The following MYO18B variants were observed in gnomAD, a reference collection of about 807,000 sequenced individuals.
The protein encoded by MYO18B is unconventional myosin-XVIIIb.
MYO18B carries 204 observed loss-of-function variants against 273.0 expected under a neutral mutation model. That is an observed-to-expected ratio of 0.75 (90% CI 0.67 to 0.84). MYO18B has a LOEUF of 0.84. MYO18B is among the 40% of genes least tolerant of loss of function. The pLI is 0.00. For synonymous variants in MYO18B, 1,330 were observed against 1,305.7 expected (o/e 1.02, Z -0.40); for missense variants, 3,212 against 3,287.6 (o/e 0.98, Z 0.56).
At chr22:26,012,254 A>C (rs192334242) in intron 42 of MYO18B, among the ~76,000 whole-genome samples, 4 of 152,372 alleles carry the variant, frequency 2.6e-5, no homozygotes, top group Admixed American at 2.6e-4. Flanking sequence ...GGATATGTGA[A>C]TAAATGGTAC....
At chr22:25,769,708 A>G (rs987263893) in intron 4 of MYO18B, among the ~76,000 whole-genome samples, 1 of 152,134 alleles carries the variant, frequency 6.6e-6, no homozygotes. Context: ...CACGGCTGAC[A>G]TGGTAGAGCT....
At chr22:26,018,609 T>C (rs1458196693) in intron 42 of MYO18B, among the ~76,000 whole-genome samples, 2 of 152,180 alleles carry the variant, frequency 1.3e-5, no homozygotes, top group African/African-American at 4.8e-5. Context: ...ATCGCCGCCA[T>C]TGAAATCCTA....
At chr22:25,775,509 T>C (rs1286958306) in intron 7 of MYO18B, among the ~76,000 whole-genome samples, 3 of 152,188 alleles carry the variant, frequency 2.0e-5, no homozygotes, top group Non-Finnish European at 4.4e-5. Context: ...CATTCCTCTT[T>C]TCCTTTTGGT....
At chr22:25,857,710 G>A (rs1485249049) in intron 21 of MYO18B, among the ~76,000 whole-genome samples, 1 of 152,234 alleles carries the variant, frequency 6.6e-6, no homozygotes, top group Non-Finnish European at 1.5e-5. Context: ...CTGGAGTGCA[G>A]TGGTGCTATC....
Position 25,763,008 on chromosome 22 carries a change from C to T in MYO18B, c.40-223C>T, listed in dbSNP as rs145649532. The T allele has an allele frequency of 5.4e-4, 390 of 718,804 alleles. 6 individuals carry two copies. The East Asian group carries it at 0.01, about 19-fold the overall frequency. 44.5% of individuals were successfully genotyped at this position (718,804 alleles called of 1,614,324 possible). On this transcript the variant is annotated intron_variant, in intron 2 of 43. Transcript: ENST00000335473. Reference sequence around the variant, plus strand: ...GATCCAGGCAGAAATCACATTGACCCGCATAATTCCTGGCTGCCCCTGTGT... The same window carrying T: ...GATCCAGGCAGAAATCACATTGACCTGCATAATTCCTGGCTGCCCCTGTGT...
chr22:25,801,533 G>T (rs5761209), intron 12 of MYO18B, among the ~76,000 whole-genome samples: 1 of 152,136 alleles, frequency 6.6e-6, no homozygotes, highest in Non-Finnish European at 1.5e-5. Flanking sequence ...GAAGGAGTCA[G>T]TGGCAAAAAC....
chr22:25,853,842 T>C (rs2090492621), intron 21 of MYO18B, among the ~76,000 whole-genome samples: 1 of 152,212 alleles, frequency 6.6e-6, no homozygotes, highest in South Asian at 2.1e-4. Flanking sequence ...TATTCTTTTT[T>C]TATTTGCTCA....
intron 12 of MYO18B, among the ~76,000 whole-genome samples, chr22:25,808,683 G>A (rs1366924970): frequency 6.6e-6 from 1 of 152,130 alleles, no homozygotes; most frequent in Non-Finnish European, 1.5e-5. Context: ...AAAGGCATGG[G>A]GTCTGGAACC....
Position 25,876,192 on chromosome 22 carries a change from C to A in MYO18B, c.4084C>A (p.Arg1362Ser). The change falls in exon 24 of 44, where the codon CGC becomes AGC. Residue 1362 changes from arginine to serine, a missense_variant. Arg to Ser is a moderately radical substitution (Grantham distance 110). Transcript: ENST00000335473. ...SRQEFKKLKIRRLAAQCIQKN... is the reference protein window; with the variant it reads ...SRQEFKKLKISRLAAQCIQKN... ...TCTGTGTTCTCCTTCCCTGCAGATT[C>A]GCCGACTGGCTGCACAGTGCATCCA... The A allele has an allele frequency of 6.2e-7, 1 of 1,609,802 alleles. No homozygotes were observed. Among genetic ancestry groups the A allele is most frequent in the Non-Finnish European group, 8.5e-7 (1 of 1,177,826 alleles).
chr22:25,817,200 T>TTTTCTTTC lies in MYO18B; in HGVS notation c.2522-6288_2522-6281dup, dbSNP rs150447515. Among the ~76,000 whole-genome samples, 107 of 151,654 alleles carry TTTTCTTTC rather than the reference T, an allele frequency of 7.1e-4. No homozygotes were observed. The Middle Eastern group carries it at 0.01, about 14-fold the overall frequency. On this transcript the variant is annotated intron_variant, in intron 12 of 43. Transcript: ENST00000335473. ...TGTTCCTTTTCCTCCCTTCCTCCCT[T>TTTTCTTTC]TTTCTTTCTTTCTTTCTTTCTTTCG...
At chr22:25,898,664 C>CCT (rs2091865588) in intron 29 of MYO18B, 2 of 573,050 alleles carry the variant, frequency 3.5e-6, no homozygotes, top group Non-Finnish European at 5.9e-6. Flanking sequence ...TCTTAGCCAG[C>CCT]CTCAACTATG....
intron 34 of MYO18B, among the ~76,000 whole-genome samples, chr22:25,936,788 T>C (rs1201986147): frequency 6.6e-6 from 1 of 152,190 alleles, no homozygotes; most frequent in African/African-American, 2.4e-5. Context: ...GCCTTCTCTC[T>C]GTGTCCTCAC....
At chr22:26,024,961 T>A (rs991539224) in intron 42 of MYO18B, among the ~76,000 whole-genome samples, 1 of 152,142 alleles carries the variant, frequency 6.6e-6, no homozygotes, top group Admixed American at 6.5e-5. Flanking sequence ...TAGATTGCCA[T>A]CTCACTGTGT....
At chr22:25,860,351 A>G (rs2090694802) in intron 21 of MYO18B, among the ~76,000 whole-genome samples, 2 of 151,976 alleles carry the variant, frequency 1.3e-5, no homozygotes, top group East Asian at 1.9e-4. Flanking sequence ...ATTGTCTTCT[A>G]TTGATTTCCA....
intron 11 of MYO18B, among the ~76,000 whole-genome samples, chr22:25,789,551 A>T (rs534719510): frequency 6.6e-6 from 1 of 151,740 alleles, no homozygotes; most frequent in Non-Finnish European, 1.5e-5. Context: ...CAGGAGAATC[A>T]CTGGGACCTG....
At chr22:25,992,235 G>A (rs1330175765) in intron 39 of MYO18B, 128 bp from the exon 40 acceptor site, 3 of 1,150,618 alleles carry the variant, frequency 2.6e-6, no homozygotes, top group Non-Finnish European at 3.7e-6. Flanking sequence ...CTCTCACGGA[G>A]AACTTACCAC....
At chr22:26,041,372 A>C in the MYO18B span, among the ~76,000 whole-genome samples, 2 of 145,496 alleles carry the variant, frequency 1.4e-5, no homozygotes, top group Non-Finnish European at 3.0e-5. Flanking sequence ...AAAAAAAAAA[A>C]CAAAACTAGA....
At chr22:25,754,377 A>G (rs932216952) in intron 1 of MYO18B, among the ~76,000 whole-genome samples, 4 of 152,168 alleles carry the variant, frequency 2.6e-5, no homozygotes, top group Non-Finnish European at 5.9e-5. Flanking sequence ...ACAGGTGGTT[A>G]TGGCGGGGGC....
In MYO18B at chr22:25,902,702, G is replaced by A. The variant is rs758365982; in HGVS notation, c.4913G>A (p.Arg1638Gln). ...GTGACCCAGGAGAACACCAGTGTCC[G>A]GTGGGAGCTAGGCCAGCTTCAGCAG... ...EKVTQENTSV[R>Q]WELGQLQQQL... The change falls in exon 30 of 44, where the codon CGG (arginine) becomes CAG (glutamine). Residue 1638 changes from arginine to glutamine, a missense_variant. Transcript: ENST00000335473. 10 of 1,591,436 alleles carry A rather than the reference G, an allele frequency of 6.3e-6. No individual in the cohort carries two copies. The highest frequency in any genetic ancestry group is 8.6e-6 in the Non-Finnish European group (10 of 1,168,510).
Sources: allele counts gnomAD v4.1 joint callset (sites outside exome capture counted in the v4.1 genomes callset), GRCh38; gene constraint gnomAD v4.1.1; transcripts MANE v1.5; gene names NCBI Gene and HGNC (gene_info 2026-07-23, HGNC 2026-07-21).